The following STPG2 variants were observed in gnomAD, a reference collection of about 807,000 sequenced individuals.
STPG2 encodes sperm-tail PG-rich repeat-containing protein 2.
Under a neutral mutation model 54.2 loss-of-function variants are expected in STPG2, and 56 were observed. The observed-to-expected ratio is 1.03, with a 90% confidence interval of 0.83 to 1.29. The LOEUF (loss-of-function observed/expected upper bound fraction) is 1.29. Among genes scored for constraint, STPG2 ranks in the 50% most tolerant of loss-of-function variants. The pLI, the probability that STPG2 is intolerant of heterozygous loss-of-function variation, is 0.00. For synonymous variants in STPG2, 200 were observed against 181.8 expected (o/e 1.10, Z -0.81); for missense variants, 596 against 544.9 (o/e 1.09, Z -0.93).
intron 10 of STPG2, among the ~76,000 whole-genome samples, chr4:97,654,177 T>C (rs933640201): frequency 6.6e-6 from 1 of 152,124 alleles, no homozygotes; most frequent in East Asian, 1.9e-4. Context: ...ATGGAAGGTA[T>C]CTACAGCATT....
intron 8 of STPG2, chr4:97,892,944 A>T (rs1730827587): frequency 6.6e-6 from 1 of 152,134 alleles, no homozygotes; most frequent in Non-Finnish European, 1.5e-5. Context: ...AAGAACCAGA[A>T]CCAATCCAAA....
In STPG2 at chr4:98,023,203, T is replaced by C. The variant is rs532681825; in HGVS notation, c.613-41885A>G. On this transcript the variant is annotated intron_variant, in intron 5 of 10. Coordinates refer to ENST00000295268, the MANE Select transcript of STPG2 (RefSeq NM_174952.3). ...AGTACAGATGTGTTTTTGGGGTGGA[T>C]GTCCTTTCTGTTTGTTAGTTTTCCT... Among the ~76,000 whole-genome samples, 4 of 152,318 alleles carry C rather than the reference T, an allele frequency of 2.6e-5. No homozygotes were observed. The East Asian group carries it at 7.7e-4, about 29-fold the overall frequency.
chr4:97,446,473 A>G (rs901702730), intron 4 of STPG2, among the ~76,000 whole-genome samples: 1 of 152,204 alleles, frequency 6.6e-6, no homozygotes, highest in Non-Finnish European at 1.5e-5. Flanking sequence ...TAACTTATGG[A>G]TTATAAAAAT....
chr4:97,919,677 C>T (rs1381307417), intron 8 of STPG2, among the ~76,000 whole-genome samples: 5 of 152,018 alleles, frequency 3.3e-5, no homozygotes, highest in Non-Finnish European at 7.4e-5. Flanking sequence ...CAAAAACCTT[C>T]TCACGGAGAA....
At chr4:97,982,456 C>T (rs1734713396) in intron 5 of STPG2, among the ~76,000 whole-genome samples, 1 of 151,230 alleles carries the variant, frequency 6.6e-6, no homozygotes, top group Non-Finnish European at 1.5e-5. Flanking sequence ...CCCACAAATA[C>T]TTCAGTATGT....
At chr4:98,030,018 T>C (rs771860816) in intron 5 of STPG2, among the ~76,000 whole-genome samples, 3 of 152,194 alleles carry the variant, frequency 2.0e-5, no homozygotes, top group African/African-American at 4.8e-5. Context: ...TATTTTGACA[T>C]TATCCAGGCC....
intron 8 of STPG2, among the ~76,000 whole-genome samples, chr4:97,878,229 A>C (rs1237710287): frequency 6.6e-6 from 1 of 152,126 alleles, no homozygotes; most frequent in Non-Finnish European, 1.5e-5. Flanking sequence ...TGCACAGTGC[A>C]AGCTGTAGGA....
chr4:97,588,676 T>A (rs1337233169), intron 10 of STPG2, among the ~76,000 whole-genome samples: 2 of 152,066 alleles, frequency 1.3e-5, no homozygotes, highest in Non-Finnish European at 2.9e-5. Flanking sequence ...CAATATTTTT[T>A]AAAAATTGAC....
intron 9 of STPG2, among the ~76,000 whole-genome samples, chr4:97,800,216 T>C (rs1366792924): frequency 1.3e-5 from 2 of 152,242 alleles, no homozygotes; most frequent in Non-Finnish European, 2.9e-5. Context: ...TTCGTTCCAT[T>C]ACTGGCAAGG....
chr4:97,544,787 G>A (rs3864228), intron 4 of STPG2, among the ~76,000 whole-genome samples: 73,573 of 151,822 alleles, frequency 0.48, 18,594 homozygotes, highest in South Asian at 0.64. Flanking sequence ...CAGATATTAC[G>A]TTCTTTCAGG....
chr4:98,122,173 T>C (rs1739698848), intron 3 of STPG2, among the ~76,000 whole-genome samples: 1 of 152,224 alleles, frequency 6.6e-6, no homozygotes, highest in Non-Finnish European at 1.5e-5. Flanking sequence ...CCTCTCTTCT[T>C]ATTTGAATAA....
At chr4:97,490,593 G>C (rs975248985) in intron 4 of STPG2, among the ~76,000 whole-genome samples, 2 of 151,526 alleles carry the variant, frequency 1.3e-5, no homozygotes. Flanking sequence ...TCGCTTCCCT[G>C]TACCTCCTGG....
chr4:97,883,196 A>C (rs1198172973), intron 8 of STPG2, among the ~76,000 whole-genome samples: 1 of 151,306 alleles, frequency 6.6e-6, no homozygotes, highest in Non-Finnish European at 1.5e-5. Context: ...TATGTATATA[A>C]ATATACATAT....
chr4:97,863,366 T>G (rs1729635011), intron 8 of STPG2, among the ~76,000 whole-genome samples: 2 of 152,004 alleles, frequency 1.3e-5, no homozygotes, highest in South Asian at 2.1e-4. Context: ...ATAAATTCCT[T>G]GACACATACA....
chr4:98,098,981 G>T (rs7662948), intron 5 of STPG2, among the ~76,000 whole-genome samples: 209 of 151,878 alleles, frequency 1.4e-3, no homozygotes, highest in Non-Finnish European at 2.4e-3. Context: ...GCAATGTGGA[G>T]GAAAGGAAAC....
intron 8 of STPG2, among the ~76,000 whole-genome samples, chr4:97,850,636 A>G (rs1000125432): frequency 7.9e-5 from 12 of 151,942 alleles, no homozygotes; most frequent in Admixed American, 2.6e-4. Flanking sequence ...AATAAAATAA[A>G]ATAAAGAAGA....
intron 8 of STPG2, among the ~76,000 whole-genome samples, chr4:97,871,663 A>G (rs1729994177): frequency 6.6e-6 from 1 of 151,210 alleles, no homozygotes; most frequent in African/African-American, 2.4e-5. Context: ...AGTTACAAAG[A>G]AAGCATCAGA....
At chr4:97,479,926 G>A (rs567599720) in intron 4 of STPG2, among the ~76,000 whole-genome samples, 1 of 151,904 alleles carries the variant, frequency 6.6e-6, no homozygotes. Context: ...TTCCATATTT[G>A]CTGAAACTAT....
chr4:97,866,639 TGA>T lies in STPG2; in HGVS notation c.1045-25709_1045-25708del, dbSNP rs560601276. Among the ~76,000 whole-genome samples, 653 of 152,112 alleles carry T rather than the reference TGA, an allele frequency of 4.3e-3. 3 individuals carry two copies. Among genetic ancestry groups the T allele is most frequent in the South Asian group, 0.024 (116 of 4,828 alleles). ...GCTAATTATCCCTTTTTGGTATGTG[TGA>T]TACAGAATATAGATGGGATCATAAA... On this transcript the variant is annotated intron_variant, in intron 8 of 10. Transcript: ENST00000295268.
Sources: allele counts gnomAD v4.1 joint callset (sites outside exome capture counted in the v4.1 genomes callset), GRCh38; gene constraint gnomAD v4.1.1; transcripts MANE v1.5; gene names NCBI Gene and HGNC (gene_info 2026-07-23, HGNC 2026-07-21).